The following CALN1 variants were observed in gnomAD, a reference collection of about 807,000 sequenced individuals.
CALN1 encodes calcium-binding protein 8.
In CALN1, 17 loss-of-function variants were observed where a neutral mutation model predicts 30.6. That is an observed-to-expected ratio of 0.56 (90% CI 0.38 to 0.83). The LOEUF is 0.83. Ranked by LOEUF, CALN1 falls within the 40% of genes least tolerant of loss-of-function variation. The pLI, the probability that CALN1 is intolerant of heterozygous loss-of-function variation, is 0.00. For missense variants in CALN1, 291 were observed against 354.9 expected (o/e 0.82, Z 1.45); for synonymous variants, 156 against 131.4 (o/e 1.19, Z -1.28).
intron 5 of CALN1, among the ~76,000 whole-genome samples, chr7:72,022,914 T>TAAAATTAAAAAAAAAAAAAAAA (rs1800786986): frequency 8.4e-5 from 8 of 95,548 alleles, no homozygotes; most frequent in East Asian, 3.2e-4. Context: ...ATAAAATAAA[T>TAAAATTAAAAAAAAAAAAAAAA]AAAATTAAAA....
chr7:71,959,264 C>T (rs1797117959), intron 5 of CALN1, among the ~76,000 whole-genome samples: 1 of 152,190 alleles, frequency 6.6e-6, no homozygotes, highest in African/African-American at 2.4e-5. Flanking sequence ...CTAATATTCA[C>T]ATAATGTGGC....
chr7:72,039,618 C>G (rs1338243861), intron 4 of CALN1, among the ~76,000 whole-genome samples: 1 of 152,184 alleles, frequency 6.6e-6, no homozygotes, highest in African/African-American at 2.4e-5. Flanking sequence ...ATCAGGGTCT[C>G]CCCCACCACC....
intron 5 of CALN1, among the ~76,000 whole-genome samples, chr7:71,913,271 T>C (rs927495510): frequency 6.6e-6 from 1 of 152,202 alleles, no homozygotes; most frequent in Admixed American, 6.5e-5. Flanking sequence ...AAGTCACTTC[T>C]ACTGTGCATT....
At chr7:72,283,477 G>A (rs1038732575) in intron 2 of CALN1, among the ~76,000 whole-genome samples, 2 of 152,162 alleles carry the variant, frequency 1.3e-5, no homozygotes, top group Non-Finnish European at 2.9e-5. Flanking sequence ...TGAGACTTCA[G>A]AGAGCTATGA....
chr7:72,139,183 G>A (rs891817743), intron 3 of CALN1, among the ~76,000 whole-genome samples: 5 of 152,184 alleles, frequency 3.3e-5, no homozygotes, highest in Admixed American at 2.6e-4. Context: ...TGGGCATCCG[G>A]CAAGGTCACA....
At chr7:72,103,263 T>C in intron 4 of CALN1, 1 of 172,706 alleles carries the variant, frequency 5.8e-6, no homozygotes, top group Non-Finnish European at 1.3e-5. Context: ...AGACCATCGA[T>C]ATCCTGGAAG....
chr7:72,363,236 T>C (rs1175710497), intron 2 of CALN1, among the ~76,000 whole-genome samples: 1 of 143,476 alleles, frequency 7.0e-6, no homozygotes, highest in Admixed American at 6.9e-5. Flanking sequence ...TTATGACACA[T>C]TATTTTATTT....
At chr7:72,211,044 A>G (rs181278029) in intron 3 of CALN1, among the ~76,000 whole-genome samples, 1 of 152,168 alleles carries the variant, frequency 6.6e-6, no homozygotes, top group African/African-American at 2.4e-5. Flanking sequence ...ACAGAGCAAG[A>G]CCCTATCTCT....
intron 2 of CALN1, among the ~76,000 whole-genome samples, chr7:72,341,923 G>A (rs1802403023): frequency 6.6e-6 from 1 of 151,866 alleles, no homozygotes. Flanking sequence ...AAAAATCAAG[G>A]ATCTCTTGCC....
At chr7:71,955,080 C>T (rs937686881) in intron 5 of CALN1, among the ~76,000 whole-genome samples, 5 of 152,256 alleles carry the variant, frequency 3.3e-5, no homozygotes, top group African/African-American at 1.2e-4. Flanking sequence ...AATGGATTCA[C>T]AGTCCCACAT....
At chr7:72,494,709 T>A in the CALN1 span, among the ~76,000 whole-genome samples, 12 of 149,994 alleles carry the variant, frequency 8.0e-5, no homozygotes, top group South Asian at 2.1e-4. Context: ...AAAAAAAAAA[T>A]TATTTTAATT....
chr7:72,156,025 G>A (rs1787655485), intron 3 of CALN1, among the ~76,000 whole-genome samples: 1 of 152,068 alleles, frequency 6.6e-6, no homozygotes, highest in Non-Finnish European at 1.5e-5. Flanking sequence ...AATCACATCT[G>A]CAAAGTCCCT....
intron 3 of CALN1, among the ~76,000 whole-genome samples, chr7:72,170,492 T>C (rs1294307823): frequency 1.3e-5 from 2 of 152,186 alleles, no homozygotes; most frequent in African/African-American, 4.8e-5. Context: ...AAAAAAGAAG[T>C]GAATGACCAT....
intron 4 of CALN1, among the ~76,000 whole-genome samples, chr7:72,071,946 T>C (rs1031275010): frequency 9.2e-5 from 14 of 151,998 alleles, no homozygotes; most frequent in African/African-American, 3.1e-4. Flanking sequence ...ATCAGTGAAC[T>C]TGAAGCTAGC....
chr7:72,197,102 A>C (rs1791070492), intron 3 of CALN1, among the ~76,000 whole-genome samples: 2 of 149,980 alleles, frequency 1.3e-5, no homozygotes, highest in Admixed American at 1.3e-4. Flanking sequence ...GGATTGCCCT[A>C]ATTTCTTATT....
intron 1 of CALN1, among the ~76,000 whole-genome samples, chr7:72,406,614 G>A (rs1335651720): frequency 1.7e-5 from 1 of 59,884 alleles, no homozygotes; most frequent in African/African-American, 9.7e-5. Context: ...GTCCTTGTCA[G>A]CTTTTTTTTT....
At chr7:72,336,769 C>T (rs1012074327) in intron 2 of CALN1, 2 of 985,260 alleles carry the variant, frequency 2.0e-6, no homozygotes, top group Non-Finnish European at 2.4e-6. Flanking sequence ...GGGGGGCTTC[C>T]TCCGAGGCCC....
intron 2 of CALN1, among the ~76,000 whole-genome samples, chr7:72,337,427 C>T (rs1297441648): frequency 6.7e-6 from 1 of 150,098 alleles, no homozygotes; most frequent in Non-Finnish European, 1.5e-5. Flanking sequence ...CGCGCGCACA[C>T]ACACACACAC....
At chr7:72,191,017 C>T (rs17673922) in intron 3 of CALN1, among the ~76,000 whole-genome samples, 35,781 of 152,080 alleles carry the variant, frequency 0.24, 4,643 homozygotes, top group Middle Eastern at 0.35. Flanking sequence ...AAACTCAAAG[C>T]GACTATTGTA....
Sources: gnomAD v4.1 joint callset for allele counts (sites outside exome capture counted in the v4.1 genomes callset) on GRCh38, gnomAD v4.1.1 for gene constraint, MANE v1.5 for transcripts, NCBI Gene and HGNC (gene_info 2026-07-23, HGNC 2026-07-21) for gene names.